VWF: variants seen among roughly 807,000 people sequenced by gnomAD.
VWF encodes von Willebrand factor, also known as Factor VIII related antigen.
Under a neutral mutation model 308.6 loss-of-function variants are expected in VWF, and 176 were observed. The observed-to-expected ratio is 0.57, with a 90% CI of 0.50 to 0.65. The LOEUF is 0.65. Ranked by LOEUF, VWF falls within the 30% of genes least tolerant of loss-of-function variation. The pLI is 0.00. For missense variants in VWF, 3,146 were observed against 3,648.2 expected (o/e 0.86, Z 3.55); for synonymous variants, 1,385 against 1,443.4 (o/e 0.96, Z 0.92).
chr12:6,048,573 C>T (rs532471863), intron 16 of VWF, among the ~76,000 whole-genome samples: 16 of 152,338 alleles, frequency 1.1e-4, no homozygotes, highest in African/African-American at 2.6e-4. Context: ...AGCAATTCTC[C>T]GGCCTCAGCC....
chr12:6,044,347 C>T lies in VWF; in HGVS notation c.2386G>A (p.Asp796Asn), dbSNP rs771423537. 1.2e-5 allele frequency: 19 copies of T among 1,614,106 alleles called. No individual in the cohort carries two copies. In the East Asian group the frequency reaches 3.6e-4, roughly 30 times the overall value. ...LECTKTCQNYDLECMSMGCVS... is the reference protein window; with the variant it reads ...LECTKTCQNYNLECMSMGCVS... ...CAGCCCATGCTCATGCACTCCAGGTCATAGTTCTGGCACGTTTTGGTACAC... is the reference window on the plus strand; with the variant it reads ...CAGCCCATGCTCATGCACTCCAGGTTATAGTTCTGGCACGTTTTGGTACAC... Residue 796 changes from aspartate (D) to asparagine (N), a missense_variant, in exon 18 of 52, where the codon GAC becomes AAC. This residue lies in a region of VWF where 1,304 missense variants were observed against 1,353.0 expected (regional missense o/e 0.96). Coordinates refer to ENST00000261405, the MANE Select transcript of VWF (RefSeq NM_000552.5).
chr12:5,962,109 A>G (rs1182214264), intron 47 of VWF, among the ~76,000 whole-genome samples: 1 of 152,228 alleles, frequency 6.6e-6, no homozygotes, highest in Non-Finnish European at 1.5e-5. Flanking sequence ...TTGAACCTCC[A>G]GAACAGTGAA....
At chr12:5,959,341 T>C (rs1943284991) in intron 47 of VWF, among the ~76,000 whole-genome samples, 1 of 152,106 alleles carries the variant, frequency 6.6e-6, no homozygotes, top group South Asian at 2.1e-4. Context: ...TGGATAGAAC[T>C]AAAGGGAGAA....
chr12:6,073,545 C>T, intron 8 of VWF, 74 bp downstream of exon 8: 2 of 1,606,370 alleles, frequency 1.2e-6, no homozygotes, highest in African/African-American at 1.3e-5. Flanking sequence ...ACACAAGTGG[C>T]CTTCATCTCA....
chr12:6,092,213 T>C (rs946838622), intron 6 of VWF, among the ~76,000 whole-genome samples: 6 of 151,984 alleles, frequency 3.9e-5, no homozygotes, highest in African/African-American at 1.2e-4. Flanking sequence ...TAAAACTGAG[T>C]TCCTGGCCAT....
intron 10 of VWF, 146 bp downstream of exon 10, chr12:6,071,151 G>A (rs1307727482): frequency 1.2e-6 from 1 of 864,350 alleles, no homozygotes; most frequent in East Asian, 2.5e-5. Flanking sequence ...TGAAACCAGA[G>A]CTGGGGTCAC....
chr12:6,027,310 C>T (rs56048315), intron 22 of VWF, among the ~76,000 whole-genome samples: 3 of 152,086 alleles, frequency 2.0e-5, no homozygotes, highest in African/African-American at 7.2e-5. Context: ...AAACTCTCTC[C>T]CCTAGATACT....
At chr12:6,111,026 T>TA in intron 3 of VWF, 58 bp from the exon 4 acceptor site, 1 of 1,454,162 alleles carries the variant, frequency 6.9e-7, no homozygotes, top group South Asian at 1.1e-5. Flanking sequence ...AATGAATACA[T>TA]TGATTAAGAA....
chr12:6,111,747 G>A (rs933249601), intron 3 of VWF, among the ~76,000 whole-genome samples: 3 of 150,068 alleles, frequency 2.0e-5, no homozygotes, highest in Admixed American at 1.3e-4. Flanking sequence ...TCAGGAGATC[G>A]AGACCATCCT....
At chr12:6,037,435 C>G (rs1944349655) in intron 18 of VWF, among the ~76,000 whole-genome samples, 1 of 152,202 alleles carries the variant, frequency 6.6e-6, no homozygotes, top group Non-Finnish European at 1.5e-5. Context: ...CCGGTTCACT[C>G]TCCATGGGGT....
chr12:6,078,252 A>T (rs946043115), intron 6 of VWF, among the ~76,000 whole-genome samples: 9 of 152,202 alleles, frequency 5.9e-5, no homozygotes, highest in African/African-American at 1.9e-4. Flanking sequence ...CTTAGGGAAC[A>T]GAGGGGCTGC....
chr12:5,989,970 T>C (rs1014722592), intron 38 of VWF, among the ~76,000 whole-genome samples: 1 of 152,228 alleles, frequency 6.6e-6, no homozygotes, highest in African/African-American at 2.4e-5. Context: ...TCAGGAGCTA[T>C]ACAAATCAAG....
At chr12:5,979,910 G>A (rs1196770549) in intron 42 of VWF, among the ~76,000 whole-genome samples, 26 of 149,600 alleles carry the variant, frequency 1.7e-4, no homozygotes, top group African/African-American at 4.7e-4. Flanking sequence ...GCGTGGTGGC[G>A]GGCGCCTGTA....
At chr12:5,963,318 C>A (rs968144230) in intron 47 of VWF, among the ~76,000 whole-genome samples, 1 of 152,122 alleles carries the variant, frequency 6.6e-6, no homozygotes, top group African/African-American at 2.4e-5. Context: ...AAAGCTTGAA[C>A]AAACACATCA....
chr12:6,115,438 G>T (rs925925566), intron 3 of VWF, among the ~76,000 whole-genome samples: 1 of 152,100 alleles, frequency 6.6e-6, no homozygotes, highest in African/African-American at 2.4e-5. Flanking sequence ...AAACTCTTTT[G>T]CTCAGAAAGC....
intron 7 of VWF, among the ~76,000 whole-genome samples, chr12:6,074,737 T>C (rs1395995481): frequency 1.3e-5 from 2 of 152,098 alleles, no homozygotes; most frequent in Non-Finnish European, 2.9e-5. Context: ...AGGAGACTTC[T>C]TGCAAGGTGA....
At chr12:6,120,182 T>A (rs1945414766) in intron 3 of VWF, among the ~76,000 whole-genome samples, 1 of 152,162 alleles carries the variant, frequency 6.6e-6, no homozygotes, top group Non-Finnish European at 1.5e-5. Flanking sequence ...ACAGCCCAGA[T>A]CTCAGGTAAG....
In VWF at chr12:6,000,160, T is replaced by C. The variant is rs75424454; in HGVS notation, c.5843-3938A>G. Among the ~76,000 whole-genome samples the C allele has an allele frequency of 3.8e-3, 586 of 152,270 alleles. 2 individuals carry two copies. The highest frequency in any genetic ancestry group is 0.013 in the African/African-American group (560 of 41,564). ...AAATCAAAAAAGAACCAAATCTATGTATGGGAGTCATGTGCCAGATGTCCG... is the reference window on the plus strand; with the variant it reads ...AAATCAAAAAAGAACCAAATCTATGCATGGGAGTCATGTGCCAGATGTCCG... On this transcript the variant is annotated intron_variant, in intron 34 of 51. Coordinates refer to ENST00000261405, the MANE Select transcript of VWF (RefSeq NM_000552.5).
At chr12:6,091,991 T>C (rs1195918611) in intron 6 of VWF, among the ~76,000 whole-genome samples, 1 of 152,156 alleles carries the variant, frequency 6.6e-6, no homozygotes, top group African/African-American at 2.4e-5. Context: ...CGCACTCGGG[T>C]GACTGCAGCA....
Sources: allele counts gnomAD v4.1 joint callset (sites outside exome capture counted in the v4.1 genomes callset), GRCh38; gene constraint gnomAD v4.1.1; regional missense constraint gnomAD v4.1.1; transcripts MANE v1.5; gene names NCBI Gene and HGNC (gene_info 2026-07-23, HGNC 2026-07-21).